FILIP1L: variants seen among roughly 807,000 people sequenced by gnomAD.
The protein encoded by FILIP1L is filamin A-interacting protein 1-like.
FILIP1L carries 55 observed loss-of-function variants against 96.6 expected under a neutral mutation model. The ratio of observed to expected loss-of-function variants is 0.57; its 90% CI spans 0.46 to 0.71. The LOEUF is 0.71. FILIP1L is among the 30% of genes least tolerant of loss of function. FILIP1L has a pLI of 0.00. For synonymous variants in FILIP1L, 467 were observed against 473.9 expected, an observed-to-expected ratio of 0.99 and a Z score of 0.19; for missense variants, 1,304 against 1,321.2, an observed-to-expected ratio of 0.99 and a Z score of 0.20.
intron 4 of FILIP1L, among the ~76,000 whole-genome samples, chr3:99,883,279 T>G (rs966124509): frequency 6.6e-6 from 1 of 152,198 alleles, no homozygotes; most frequent in East Asian, 1.9e-4. Context: ...TAACTTCCAC[T>G]CATTGTTCTT....
chr3:99,867,224 T>C (rs1261571960), intron 4 of FILIP1L, among the ~76,000 whole-genome samples: 1 of 152,230 alleles, frequency 6.6e-6, no homozygotes, highest in Non-Finnish European at 1.5e-5. Flanking sequence ...CTGCTTATAC[T>C]GTCCCTGAGC....
rs1238056954 is a variant in FILIP1L at position 99,983,422 on chromosome 3, A to G, written c.-10-52392T>C. ...TATATATATATATATATATATATGT[A>G]TGTATGTATGTATATATATGTATGT... is the stretch of plus-strand genomic sequence containing the variant. On this transcript the variant is annotated intron_variant, in intron 1 of 5. Coordinates refer to ENST00000477258, the MANE Select transcript of FILIP1L (RefSeq NM_001387850.1). 2.9e-4 allele frequency among the ~76,000 whole-genome samples: 25 copies of G among 86,922 alleles called. 1 individual carries two copies. Among genetic ancestry groups the G allele is most frequent in the African/African-American group, 9.7e-4 (18 of 18,586 alleles). 57.0% of individuals were successfully genotyped at this position (86,922 alleles called of 152,430 possible).
intron 4 of FILIP1L, among the ~76,000 whole-genome samples, chr3:99,911,636 A>G (rs192525644): frequency 3.3e-5 from 5 of 152,206 alleles, no homozygotes; most frequent in African/African-American, 1.2e-4. Context: ...TGCTAAGTCT[A>G]CTCAGCCTTG....
intron 1 of FILIP1L, among the ~76,000 whole-genome samples, chr3:100,093,489 T>C (rs1257467722): frequency 1.3e-5 from 2 of 152,202 alleles, no homozygotes; most frequent in African/African-American, 4.8e-5. Flanking sequence ...AAGTAAACTT[T>C]TTACTTTGAG....
intron 1 of FILIP1L, among the ~76,000 whole-genome samples, chr3:100,049,746 TCTTC>T (rs1262315354): frequency 2.0e-5 from 3 of 152,248 alleles, no homozygotes; most frequent in Non-Finnish European, 4.4e-5. Flanking sequence ...ATGTACTTTC[TCTTC>T]CTTATGATTG....
rs779350496 is a variant in FILIP1L, at chr3:99,957,693, C to CTTTTTTTTTTTTTTTTTTTTTT, written c.-10-26685_-10-26664dup. ...TTCTCCTTTTCTCTTTTCTTTCTTT[C>CTTTTTTTTTTTTTTTTTTTTTT]TTTTTTTTTTTTTTTTTTTTTTTTT... On this transcript the variant is annotated intron_variant, in intron 1 of 5. Transcript: ENST00000477258. Among the ~76,000 whole-genome samples the CTTTTTTTTTTTTTTTTTTTTTT allele has an allele frequency of 7.4e-3, 148 of 19,896 alleles. 38 individuals are homozygous for CTTTTTTTTTTTTTTTTTTTTTT. The highest frequency in any genetic ancestry group is 0.011 in the Non-Finnish European group (94 of 8,946). 13.1% of individuals were successfully genotyped at this position (19,896 alleles called of 152,430 possible).
At position 99,929,859 on chromosome 3, in the gene FILIP1L, A is replaced by C. The variant is rs945749229; in HGVS notation, c.423T>G (p.Asn141Lys). The change falls in exon 3 of 6, where the codon AAT becomes AAG. Residue 141 changes from asparagine to lysine, a missense_variant. Coordinates refer to ENST00000477258, the MANE Select transcript of FILIP1L (RefSeq NM_001387850.1). Reference sequence around the variant, plus strand: ...ACACCCCTATTGTGGTACATACCTCATTCATTGGTTTCTCATAGATGTCCT... The same window carrying C: ...ACACCCCTATTGTGGTACATACCTCCTTCATTGGTTTCTCATAGATGTCCT... ...WQEDIYEKPMNELDKVVEKHK... is the reference protein window; with the variant it reads ...WQEDIYEKPMKELDKVVEKHK... 2 of 1,611,146 alleles carry C rather than the reference A, an allele frequency of 1.2e-6. No individual in the cohort carries two copies. The highest frequency in any genetic ancestry group is 2.7e-5 in the African/African-American group (2 of 74,830).
At chr3:100,093,411 A>G (rs961441696) in intron 1 of FILIP1L, among the ~76,000 whole-genome samples, 33 of 152,184 alleles carry the variant, frequency 2.2e-4, no homozygotes, top group African/African-American at 7.7e-4. Flanking sequence ...CAAAAAATAT[A>G]TACTTACATT....
At chr3:99,983,071 A>G (rs1709175271) in intron 1 of FILIP1L, among the ~76,000 whole-genome samples, 1 of 152,168 alleles carries the variant, frequency 6.6e-6, no homozygotes, top group Admixed American at 6.5e-5. Context: ...AACACATGCA[A>G]TGATGAAAAT....
chr3:100,017,860 C>A (rs996936120), intron 1 of FILIP1L, among the ~76,000 whole-genome samples: 2 of 152,196 alleles, frequency 1.3e-5, no homozygotes, highest in Non-Finnish European at 1.5e-5. Context: ...CATCAGCTTT[C>A]TATTTCTCAG....
intron 1 of FILIP1L, among the ~76,000 whole-genome samples, chr3:100,054,786 T>A (rs1382329280): frequency 6.6e-6 from 1 of 152,192 alleles, no homozygotes; most frequent in Admixed American, 6.5e-5. Context: ...ACAATGCCTC[T>A]GGATCCCGTA....
At chr3:99,945,878 G>A (rs1707992977) in intron 1 of FILIP1L, among the ~76,000 whole-genome samples, 1 of 152,204 alleles carries the variant, frequency 6.6e-6, no homozygotes, top group South Asian at 2.1e-4. Flanking sequence ...TTGTCACAGA[G>A]CCAGTGGGAG....
intron 1 of FILIP1L, among the ~76,000 whole-genome samples, chr3:99,951,263 C>G (rs1424414848): frequency 2.6e-5 from 4 of 152,172 alleles, no homozygotes; most frequent in African/African-American, 7.2e-5. Context: ...TCTAGTAGCA[C>G]TAAGACCTCC....
chr3:99,879,897 G>C lies in FILIP1L; in HGVS notation c.606-28827C>G, dbSNP rs117033268. 7.8e-4 allele frequency among the ~76,000 whole-genome samples: 118 copies of C among 151,764 alleles called. 3 individuals are homozygous for C. In the East Asian group the frequency reaches 0.022, roughly 29 times the overall value. On this transcript the variant is annotated intron_variant, in intron 4 of 5. Transcript: ENST00000477258. ...CCAGGATTGCATAGGGAGAGGTATA[G>C]TTCCATGGTCCTGCATTGCTTCAGA... is the stretch of plus-strand genomic sequence containing the variant.
At chr3:99,983,621 C>T (rs371504094) in intron 1 of FILIP1L, among the ~76,000 whole-genome samples, 6 of 144,752 alleles carry the variant, frequency 4.1e-5, no homozygotes, top group South Asian at 2.2e-4. Context: ...ACCGGGGAGG[C>T]GGAGGTTGCC....
chr3:99,983,462 G>GTATATATA (rs1466852207), intron 1 of FILIP1L, among the ~76,000 whole-genome samples: 4 of 11,986 alleles, frequency 3.3e-4, no homozygotes, highest in Admixed American at 1.0e-3. Flanking sequence ...ATATATATGT[G>GTATATATA]TGTATATATA....
intron 1 of FILIP1L, among the ~76,000 whole-genome samples, chr3:99,971,738 G>A (rs1204928884): frequency 3.3e-5 from 5 of 152,118 alleles, no homozygotes; most frequent in South Asian, 2.1e-4. Flanking sequence ...GGATACACAC[G>A]GAACCTCAAA....
In FILIP1L at chr3:100,041,813, T is replaced by C. The variant is rs189346204; in HGVS notation, c.-11+72240A>G. 3.4e-3 allele frequency among the ~76,000 whole-genome samples: 525 copies of C among 152,300 alleles called. 12 individuals carry two copies. The highest frequency in any genetic ancestry group is 5.9e-4 in the Non-Finnish European group (40 of 68,026). ...TCAGGAGAAAGGATAACTCATGTTG[T>C]GCCTTGATTTATCTCACCTTTTTCT... On this transcript the variant is annotated intron_variant, in intron 1 of 5. Coordinates refer to ENST00000477258, the MANE Select transcript of FILIP1L (RefSeq NM_001387850.1).
At chr3:100,019,437 TTAA>T (rs1166205419) in intron 1 of FILIP1L, among the ~76,000 whole-genome samples, 1 of 152,154 alleles carries the variant, frequency 6.6e-6, no homozygotes, top group African/African-American at 2.4e-5. Flanking sequence ...TGATTGAAAA[TTAA>T]TAATAAGTGA....
Sources: allele counts gnomAD v4.1 joint callset (sites outside exome capture counted in the v4.1 genomes callset), GRCh38; gene constraint gnomAD v4.1.1; transcripts MANE v1.5; gene names NCBI Gene and HGNC (gene_info 2026-07-23, HGNC 2026-07-21).